PPFIA2: variants seen among roughly 807,000 people sequenced by gnomAD.
PPFIA2 encodes liprin-alpha-2.
PPFIA2 carries 46 observed loss-of-function variants against 175.5 expected under a neutral mutation model. The ratio of observed to expected loss-of-function variants is 0.26; its 90% CI spans 0.21 to 0.34. The LOEUF is 0.34. Ranked by LOEUF, PPFIA2 falls within the 10% of genes least tolerant of loss-of-function variation. The pLI is 1.00. For missense variants in PPFIA2, 1,179 were observed against 1,506.1 expected, an observed-to-expected ratio of 0.78 and a Z score of 3.60; for synonymous variants, 568 against 511.4, an observed-to-expected ratio of 1.11 and a Z score of -1.49.
chr12:81,715,840 T>TA (rs1189112283), intron 3 of PPFIA2, among the ~76,000 whole-genome samples: 1 of 151,698 alleles, frequency 6.6e-6, no homozygotes, highest in Non-Finnish European at 1.5e-5. Flanking sequence ...AAAAATTAAA[T>TA]AATTAAAATC....
chr12:81,490,219 T>G (rs1442569252), intron 4 of PPFIA2, among the ~76,000 whole-genome samples: 1 of 151,934 alleles, frequency 6.6e-6, no homozygotes, highest in Non-Finnish European at 1.5e-5. Context: ...AAGGTCAGCC[T>G]TTGGAAAATT....
At chr12:81,327,114 T>A (rs1009990127) in intron 21 of PPFIA2, among the ~76,000 whole-genome samples, 15 of 152,244 alleles carry the variant, frequency 9.9e-5, no homozygotes, top group African/African-American at 3.6e-4. Flanking sequence ...AATATTAACT[T>A]GGGAACATTG....
At chr12:81,619,763 G>T (rs1183667225) in intron 4 of PPFIA2, among the ~76,000 whole-genome samples, 1 of 152,126 alleles carries the variant, frequency 6.6e-6, no homozygotes, top group Non-Finnish European at 1.5e-5. Context: ...CAGCTGTTAA[G>T]GTTTAATATT....
chr12:81,507,591 G>A lies in PPFIA2; in HGVS notation c.304-49725C>T, dbSNP rs550734967. Reference sequence around the variant, plus strand: ...TTTATTCAGTTTGTTAGAAAAGTTTGTTGGATTTATTTTTCCAAACACATC... The same window carrying A: ...TTTATTCAGTTTGTTAGAAAAGTTTATTGGATTTATTTTTCCAAACACATC... On this transcript the variant is annotated intron_variant, in intron 4 of 32. Coordinates refer to ENST00000549396, the MANE Select transcript of PPFIA2 (RefSeq NM_003625.5). Among the ~76,000 whole-genome samples the A allele has an allele frequency of 1.8e-3, 281 of 152,220 alleles. 1 individual carries two copies. Among genetic ancestry groups the A allele is most frequent in the Non-Finnish European group, 3.4e-3 (228 of 68,014 alleles).
At chr12:81,583,164 A>G (rs2074673601) in intron 4 of PPFIA2, among the ~76,000 whole-genome samples, 1 of 151,780 alleles carries the variant, frequency 6.6e-6, no homozygotes, top group Non-Finnish European at 1.5e-5. Context: ...CTTGACTCTC[A>G]TTGCTGCTAA....
intron 7 of PPFIA2, chr12:81,430,799 G>A (rs1259179345): frequency 6.6e-6 from 1 of 152,122 alleles, no homozygotes; most frequent in Non-Finnish European, 1.5e-5. Flanking sequence ...TGTGTATGAT[G>A]CAATGGCTAT....
At chr12:81,493,584 A>G (rs2059646374) in intron 4 of PPFIA2, among the ~76,000 whole-genome samples, 1 of 151,778 alleles carries the variant, frequency 6.6e-6, no homozygotes, top group Non-Finnish European at 1.5e-5. Flanking sequence ...CACTGAAGAG[A>G]TAGGGGGCAA....
chr12:81,274,735 A>G (rs771483799), intron 28 of PPFIA2, among the ~76,000 whole-genome samples: 2 of 152,210 alleles, frequency 1.3e-5, no homozygotes, highest in African/African-American at 2.4e-5. Flanking sequence ...GTCAGGGTTA[A>G]TTCACACTTC....
chr12:81,339,497 T>C (rs960155283), intron 20 of PPFIA2, among the ~76,000 whole-genome samples, 163 bp from the exon 21 acceptor site: 1 of 152,050 alleles, frequency 6.6e-6, no homozygotes, highest in Non-Finnish European at 1.5e-5. Context: ...GTTTTTTTTT[T>C]CAGCCTTTGG....
At chr12:81,332,509 G>A (rs1266994008) in intron 21 of PPFIA2, among the ~76,000 whole-genome samples, 1 of 152,090 alleles carries the variant, frequency 6.6e-6, no homozygotes, top group Non-Finnish European at 1.5e-5. Context: ...GGGAGAGAAA[G>A]ATTAACCCAG....
chr12:81,495,980 T>C (rs2400951), intron 4 of PPFIA2, among the ~76,000 whole-genome samples: 13,448 of 152,260 alleles, frequency 0.088, 821 homozygotes, highest in Middle Eastern at 0.14. Flanking sequence ...ATTGGCAATA[T>C]ATAGTATAAT....
At chr12:81,434,047 T>C (rs756707797) in intron 7 of PPFIA2, among the ~76,000 whole-genome samples, 1 of 152,048 alleles carries the variant, frequency 6.6e-6, no homozygotes, top group Non-Finnish European at 1.5e-5. Context: ...GACTTTAGCA[T>C]AAATAAGATT....
chr12:81,689,755 T>C (rs1206929609), intron 3 of PPFIA2, among the ~76,000 whole-genome samples: 3 of 152,220 alleles, frequency 2.0e-5, no homozygotes, highest in African/African-American at 4.8e-5. Context: ...TCCTTATCTC[T>C]CCTTTCCTTA....
At chr12:81,441,961 C>T (rs921684665) in intron 6 of PPFIA2, among the ~76,000 whole-genome samples, 5 of 152,084 alleles carry the variant, frequency 3.3e-5, no homozygotes, top group African/African-American at 1.2e-4. Context: ...TTCTAAAAGT[C>T]ATTCGCATAA....
intron 4 of PPFIA2, among the ~76,000 whole-genome samples, chr12:81,522,885 A>C (rs2063318532): frequency 6.6e-6 from 1 of 152,166 alleles, no homozygotes; most frequent in South Asian, 2.1e-4. Flanking sequence ...TAACAAATAA[A>C]TCCTGAAATC....
chr12:81,549,349 A>C (rs964217113), intron 4 of PPFIA2, among the ~76,000 whole-genome samples: 3 of 152,094 alleles, frequency 2.0e-5, no homozygotes, highest in African/African-American at 7.2e-5. Context: ...GTATATTCTA[A>C]GAAAAAAATC....
At chr12:81,571,444 T>C (rs909437788) in intron 4 of PPFIA2, among the ~76,000 whole-genome samples, 2 of 152,136 alleles carry the variant, frequency 1.3e-5, no homozygotes, top group African/African-American at 4.8e-5. Context: ...AGCAGCTTAT[T>C]TGAAGAGTCT....
At chr12:81,636,404 T>C (rs1330327503) in intron 4 of PPFIA2, among the ~76,000 whole-genome samples, 1 of 150,974 alleles carries the variant, frequency 6.6e-6, no homozygotes, top group East Asian at 2.0e-4. Context: ...TAGCTGGGAC[T>C]ACAGGCGCCC....
chr12:81,362,865 TA>T (rs1194857004), intron 14 of PPFIA2, 81 bp from the exon 15 acceptor site: 2 of 854,594 alleles, frequency 2.3e-6, no homozygotes, highest in Admixed American at 2.6e-5. Flanking sequence ...TGATTTTTTT[TA>T]AAAAGGAAAA....
Sources: gnomAD v4.1 joint callset for allele counts (sites outside exome capture counted in the v4.1 genomes callset) on GRCh38, gnomAD v4.1.1 for gene constraint, MANE v1.5 for transcripts, NCBI Gene and HGNC (gene_info 2026-07-23, HGNC 2026-07-21) for gene names.